EFNA5: variants seen among roughly 807,000 people sequenced by gnomAD.
EFNA5 encodes ephrin A5.
A neutral mutation model predicts 22.9 loss-of-function variants in EFNA5; 5 were observed. The ratio of observed to expected loss-of-function variants is 0.22; its 90% CI spans 0.11 to 0.46. The LOEUF (loss-of-function observed/expected upper bound fraction) is 0.46. Among genes scored for constraint, EFNA5 ranks in the 20% least tolerant of loss-of-function variants. The pLI, the probability that EFNA5 is intolerant of heterozygous loss-of-function variation, is 0.99. For synonymous variants in EFNA5, 113 were observed against 112.2 expected (o/e 1.01, Z -0.04); for missense variants, 237 against 293.3 (o/e 0.81, Z 1.40).
chr5:107,553,077 C>T (rs1049022646), intron 1 of EFNA5, among the ~76,000 whole-genome samples: 3 of 152,128 alleles, frequency 2.0e-5, no homozygotes, highest in African/African-American at 7.2e-5. Flanking sequence ...GAGGGGTAAT[C>T]CTAACCACAA....
chr5:107,422,148 G>C (rs1304936218), intron 2 of EFNA5, among the ~76,000 whole-genome samples: 3 of 152,296 alleles, frequency 2.0e-5, no homozygotes, highest in Admixed American at 6.5e-5. Flanking sequence ...GTTCTCATCT[G>C]TGTGAACCTT....
At chr5:107,579,332 T>C (rs73198687) in intron 1 of EFNA5, among the ~76,000 whole-genome samples, 3,211 of 152,162 alleles carry the variant, frequency 0.021, 103 homozygotes, top group African/African-American at 0.072. Flanking sequence ...GTAAAATATA[T>C]ACAAAGAGCT....
chr5:107,637,209 T>C (rs913165351), intron 1 of EFNA5, among the ~76,000 whole-genome samples: 2 of 151,870 alleles, frequency 1.3e-5, no homozygotes, highest in African/African-American at 4.9e-5. Context: ...CGTAATATAA[T>C]TATAAGAGAA....
intron 2 of EFNA5, among the ~76,000 whole-genome samples, chr5:107,417,221 T>C (rs1228413283): frequency 6.6e-6 from 1 of 152,168 alleles, no homozygotes; most frequent in East Asian, 1.9e-4. Flanking sequence ...ATATTGTATA[T>C]CTCTAAAAAT....
At chr5:107,666,384 C>A (rs1751067076) in intron 1 of EFNA5, among the ~76,000 whole-genome samples, 1 of 152,200 alleles carries the variant, frequency 6.6e-6, no homozygotes, top group African/African-American at 2.4e-5. Flanking sequence ...TGCCAGAGGA[C>A]TTGGGAGTGT....
chr5:107,432,304 A>G (rs1580447925), intron 1 of EFNA5, among the ~76,000 whole-genome samples: 7 of 152,376 alleles, frequency 4.6e-5, no homozygotes, highest in East Asian at 1.9e-4. Context: ...GCTCTAGCTC[A>G]TATTAAAAGA....
At chr5:107,511,581 T>A (rs1308295637) in intron 1 of EFNA5, among the ~76,000 whole-genome samples, 1 of 152,196 alleles carries the variant, frequency 6.6e-6, no homozygotes, top group African/African-American at 2.4e-5. Flanking sequence ...CTATTGTGAC[T>A]TTCTATGAAT....
intron 1 of EFNA5, among the ~76,000 whole-genome samples, chr5:107,507,745 G>C (rs960306776): frequency 2.6e-5 from 4 of 152,164 alleles, no homozygotes; most frequent in Non-Finnish European, 5.9e-5. Context: ...GCTGAGGTGG[G>C]AGAATCACTT....
intron 1 of EFNA5, among the ~76,000 whole-genome samples, chr5:107,452,076 G>A (rs1332159755): frequency 1.3e-5 from 2 of 152,108 alleles, no homozygotes; most frequent in Non-Finnish European, 2.9e-5. Flanking sequence ...CCTTGATAAA[G>A]CTGGAAGCCA....
intron 2 of EFNA5, among the ~76,000 whole-genome samples, chr5:107,416,915 A>G (rs1007386038): frequency 1.3e-5 from 2 of 152,234 alleles, no homozygotes; most frequent in Non-Finnish European, 2.9e-5. Flanking sequence ...CTGTTAAAGC[A>G]AAACATGCAG....
At chr5:107,529,399 A>G (rs1329141803) in intron 1 of EFNA5, among the ~76,000 whole-genome samples, 3 of 152,120 alleles carry the variant, frequency 2.0e-5, no homozygotes, top group Admixed American at 6.6e-5. Flanking sequence ...GTAGCCCAAA[A>G]AAACCAACTA....
chr5:107,557,496 C>T (rs534570705), intron 1 of EFNA5, among the ~76,000 whole-genome samples: 24 of 152,200 alleles, frequency 1.6e-4, no homozygotes, highest in South Asian at 6.2e-4. Flanking sequence ...ACTGCGGTGC[C>T]TGGGGCAATG....
chr5:107,587,957 C>G (rs184770), intron 1 of EFNA5, among the ~76,000 whole-genome samples: 1 of 152,142 alleles, frequency 6.6e-6, no homozygotes, highest in African/African-American at 2.4e-5. Flanking sequence ...ACTACAGGCT[C>G]TATGGTGCCA....
intron 1 of EFNA5, among the ~76,000 whole-genome samples, chr5:107,466,082 G>A (rs187772401): frequency 2.6e-5 from 4 of 152,174 alleles, no homozygotes; most frequent in Admixed American, 2.0e-4. Context: ...GGACCCAACC[G>A]CAGGTGCTTG....
chr5:107,565,250 T>G (rs888493006), intron 1 of EFNA5, among the ~76,000 whole-genome samples: 1 of 152,216 alleles, frequency 6.6e-6, no homozygotes, highest in African/African-American at 2.4e-5. Context: ...GTAGCATTTT[T>G]ATGGGTAACT....
chr5:107,631,968 T>G (rs1750263906), intron 1 of EFNA5, among the ~76,000 whole-genome samples: 2 of 152,204 alleles, frequency 1.3e-5, no homozygotes, highest in African/African-American at 4.8e-5. Context: ...TCGCTGTACC[T>G]CCCAGGAGAT....
intron 1 of EFNA5, among the ~76,000 whole-genome samples, chr5:107,642,509 G>A (rs562866692): frequency 5.3e-4 from 78 of 148,094 alleles, no homozygotes; most frequent in African/African-American, 1.9e-3. Flanking sequence ...TGAATCGATC[G>A]ATTCTCAACC....
intron 1 of EFNA5, among the ~76,000 whole-genome samples, chr5:107,511,052 G>T (rs2112434055): frequency 6.7e-6 from 1 of 150,334 alleles, no homozygotes; most frequent in Non-Finnish European, 1.5e-5. Flanking sequence ...GAGACGGAGA[G>T]TTTTGCTCTT....
chr5:107,581,691 C>G (rs1172087955), intron 1 of EFNA5, among the ~76,000 whole-genome samples: 2 of 152,198 alleles, frequency 1.3e-5, no homozygotes, highest in African/African-American at 4.8e-5. Context: ...GTGATTTAGA[C>G]TCAAGTTCCA....
Sources: gnomAD v4.1 joint callset for allele counts (sites outside exome capture counted in the v4.1 genomes callset) on GRCh38, gnomAD v4.1.1 for gene constraint, MANE v1.5 for transcripts, NCBI Gene and HGNC (gene_info 2026-07-23, HGNC 2026-07-21) for gene names.